The following RFX8 variants were observed in gnomAD, a reference collection of about 807,000 sequenced individuals.
The protein encoded by RFX8 is DNA-binding protein RFX8.
A neutral mutation model predicts 54.6 loss-of-function variants in RFX8; 46 were observed. The observed-to-expected ratio is 0.84, with a 90% confidence interval of 0.67 to 1.08. The LOEUF (loss-of-function observed/expected upper bound fraction) is 1.08, where lower values mean the gene tolerates loss of function less well. Ranked by LOEUF, RFX8 falls within the 50% of genes least tolerant of loss-of-function variation. The probability of loss-of-function intolerance (pLI) is 0.00; values close to 1 mark genes in which losing one functional copy is unlikely to be tolerated. For synonymous variants in RFX8, 192 were observed against 209.5 expected, an observed-to-expected ratio of 0.92 and a Z score of 0.72; for missense variants, 536 against 562.3, an observed-to-expected ratio of 0.95 and a Z score of 0.47.
intron 2 of RFX8, among the ~76,000 whole-genome samples, chr2:101,453,533 G>GAGTGC (rs1688812215): frequency 6.6e-6 from 1 of 152,102 alleles, no homozygotes; most frequent in Non-Finnish European, 1.5e-5. Context: ...AGTGAGCTGA[G>GAGTGC]AGTGCATCGC....
intron 3 of RFX8, among the ~76,000 whole-genome samples, 193 bp from the exon 4 acceptor site, chr2:101,421,970 C>T (rs1686892497): frequency 6.6e-6 from 1 of 152,176 alleles, no homozygotes; most frequent in African/African-American, 2.4e-5. Flanking sequence ...GCTGATAGTT[C>T]ATGTAGCTTT....
At chr2:101,420,570 A>T (rs1686810300) in intron 4 of RFX8, among the ~76,000 whole-genome samples, 2 of 152,144 alleles carry the variant, frequency 1.3e-5, no homozygotes, top group African/African-American at 4.8e-5. Flanking sequence ...AGAAAACAAA[A>T]GAAAAGAAAA....
At chr2:101,469,034 A>AAG (rs1558896274) in intron 1 of RFX8, among the ~76,000 whole-genome samples, 1 of 56,378 alleles carries the variant, frequency 1.8e-5, no homozygotes, top group East Asian at 3.6e-4. Flanking sequence ...ATATATACGT[A>AAG]TATATATGTA....
chr2:101,415,218 G>A (rs1107975), intron 6 of RFX8, among the ~76,000 whole-genome samples: 99,230 of 152,000 alleles, frequency 0.65, 35,444 homozygotes, highest in Middle Eastern at 0.81. Flanking sequence ...TTGTGATGGT[G>A]TTAGGAAGTG....
Position 101,402,482 on chromosome 2 carries a change from A to G in RFX8, c.1199T>C (p.Val400Ala), listed in dbSNP as rs1649032410. The G allele has an allele frequency of 6.4e-7, 1 of 1,551,484 alleles. No individual in the cohort carries two copies. The highest frequency in any genetic ancestry group is 1.4e-5 in the African/African-American group (1 of 73,034). Residue 400 changes from valine to alanine, a missense_variant, in exon 11 of 12, where the codon GTC (valine) becomes GCC (alanine). By Grantham distance (64) the Val-to-Ala change is moderately conservative. Coordinates refer to ENST00000428343, the MANE Select transcript of RFX8 (RefSeq NM_001145664.2). ...CACCAGGAAGCCCAGGATCCTGAGG[A>G]CCATGTTGCTCACACCCACGGGATA... ...GRYPVGVSNM[V>A]LRILGFLVDT... is the part of the protein sequence containing the mutation.
chr2:101,469,068 A>ACG (rs1553460183), intron 1 of RFX8, among the ~76,000 whole-genome samples: 2 of 17,424 alleles, frequency 1.1e-4, no homozygotes, highest in African/African-American at 5.5e-4. Context: ...ATATATATGT[A>ACG]TATATATATA....
At chr2:101,423,548 G>A (rs1035616702) in intron 2 of RFX8, among the ~76,000 whole-genome samples, 1 of 152,132 alleles carries the variant, frequency 6.6e-6, no homozygotes, top group African/African-American at 2.4e-5. Context: ...ACCCTGCTAC[G>A]CCAGACTGTG....
intron 2 of RFX8, among the ~76,000 whole-genome samples, chr2:101,423,735 G>A (rs1687005157): frequency 6.6e-6 from 1 of 152,152 alleles, no homozygotes; most frequent in South Asian, 2.1e-4. Flanking sequence ...TCTGAGGGCA[G>A]GGCAGCTTCT....
intron 2 of RFX8, among the ~76,000 whole-genome samples, chr2:101,457,863 T>C (rs1689069812): frequency 6.6e-6 from 1 of 152,204 alleles, no homozygotes; most frequent in Non-Finnish European, 1.5e-5. Flanking sequence ...TGTAGGTCTC[T>C]AAGGACTTGC....
chr2:101,455,940 T>C (rs1191745441), intron 2 of RFX8, among the ~76,000 whole-genome samples: 3 of 152,206 alleles, frequency 2.0e-5, no homozygotes, highest in Non-Finnish European at 4.4e-5. Flanking sequence ...ACATCCCTTA[T>C]AAGTTGTATT....
At chr2:101,436,760 T>C (rs1687804251) in intron 2 of RFX8, among the ~76,000 whole-genome samples, 1 of 152,164 alleles carries the variant, frequency 6.6e-6, no homozygotes, top group Non-Finnish European at 1.5e-5. Flanking sequence ...CTGCACACCA[T>C]GGGGACTGAC....
intron 2 of RFX8, among the ~76,000 whole-genome samples, chr2:101,431,348 G>A (rs1168886013): frequency 6.6e-6 from 1 of 152,188 alleles, no homozygotes; most frequent in African/African-American, 2.4e-5. Context: ...CAGCTGAAGT[G>A]TCGGGTGCTA....
chr2:101,433,019 G>A (rs1403515861), intron 2 of RFX8, among the ~76,000 whole-genome samples: 2 of 152,256 alleles, frequency 1.3e-5, no homozygotes, highest in Non-Finnish European at 2.9e-5. Context: ...ACCACTGGAG[G>A]GAAGGGCGGG....
At chr2:101,444,004 C>T (rs746929242) in intron 2 of RFX8, among the ~76,000 whole-genome samples, 22 of 152,106 alleles carry the variant, frequency 1.4e-4, no homozygotes, top group African/African-American at 4.8e-4. Flanking sequence ...GTGTATGTAG[C>T]GTCACTACTC....
intron 1 of RFX8, among the ~76,000 whole-genome samples, chr2:101,469,082 G>A (rs2056070): frequency 0.04 from 1,952 of 49,086 alleles, 213 homozygotes; most frequent in African/African-American, 0.17. Context: ...ATATATAAGT[G>A]TATATATATA....
At chr2:101,403,044 G>C (rs1396194589) in intron 10 of RFX8, among the ~76,000 whole-genome samples, 1 of 152,210 alleles carries the variant, frequency 6.6e-6, no homozygotes, top group Non-Finnish European at 1.5e-5. Flanking sequence ...ACAGGGAACT[G>C]GGTGCTGCTC....
At chr2:101,447,643 A>G (rs1478374199) in intron 2 of RFX8, among the ~76,000 whole-genome samples, 1 of 152,242 alleles carries the variant, frequency 6.6e-6, no homozygotes, top group Non-Finnish European at 1.5e-5. Flanking sequence ...TTTGAAATAC[A>G]TAATATATCA....
intron 2 of RFX8, among the ~76,000 whole-genome samples, chr2:101,438,897 T>C (rs6708626): frequency 0.76 from 115,110 of 152,080 alleles, 44,520 homozygotes; most frequent in Middle Eastern, 0.88. Flanking sequence ...CTGCAACTTC[T>C]GCCTCCTGGG....
intron 2 of RFX8, among the ~76,000 whole-genome samples, chr2:101,460,237 C>T (rs144550679): frequency 6.6e-6 from 1 of 152,280 alleles, no homozygotes; most frequent in African/African-American, 2.4e-5. Context: ...AGCTTGCCCT[C>T]GGTGGGCTGC....
Sources: gnomAD v4.1 joint callset for allele counts (sites outside exome capture counted in the v4.1 genomes callset) on GRCh38, gnomAD v4.1.1 for gene constraint, MANE v1.5 for transcripts, NCBI Gene and HGNC (gene_info 2026-07-23, HGNC 2026-07-21) for gene names.